The following PTPN22 variants were observed in gnomAD, a reference collection of about 807,000 sequenced individuals.
The protein encoded by PTPN22 is protein tyrosine phosphatase non-receptor type 22.
In PTPN22, 85 loss-of-function variants were observed where a neutral mutation model predicts 103.3. The observed-to-expected ratio is 0.82, with a 90% confidence interval of 0.69 to 0.99. The LOEUF is 0.99. Among genes scored for constraint, PTPN22 ranks in the 50% least tolerant of loss-of-function variants. PTPN22 has a pLI of 0.00. For missense variants in PTPN22, 865 were observed against 936.9 expected (o/e 0.92, Z 1.00); for synonymous variants, 323 against 310.2 (o/e 1.04, Z -0.43).
At chr1:113,820,109 T>C (rs1385076643) in intron 19 of PTPN22, among the ~76,000 whole-genome samples, 1 of 152,164 alleles carries the variant, frequency 6.6e-6, no homozygotes, top group East Asian at 1.9e-4. Context: ...TGGAATCTCT[T>C]TTTTTATTCC....
chr1:113,870,257 CAGAG>C lies in PTPN22; in HGVS notation c.87+1276_87+1279del, dbSNP rs1248670716. On this transcript the variant is annotated intron_variant, in intron 1 of 20. Transcript: ENST00000359785. The stretch of plus-strand genomic sequence containing the variant: ...TATCCCCATTTTATAAGTTAGAAAA[CAGAG>C]AGATTTAAGAACATGTCAAATACTT... Among the ~76,000 whole-genome samples the C allele has an allele frequency of 3.9e-5, 6 of 152,144 alleles. No individual in the cohort carries two copies. The East Asian group carries it at 9.7e-4, about 24-fold the overall frequency.
intron 11 of PTPN22, among the ~76,000 whole-genome samples, chr1:113,839,877 A>G (rs879643322): frequency 4.7e-5 from 7 of 150,366 alleles, no homozygotes; most frequent in Admixed American, 4.6e-4. Flanking sequence ...TAATTTTTTT[A>G]ATTAATTTTG....
rs17031952 is a variant in PTPN22 at position 113,866,202 on chromosome 1, T to C, written c.87+5335A>G. Among the ~76,000 whole-genome samples the C allele has an allele frequency of 1.5e-3, 233 of 152,260 alleles. 1 individual carries two copies. In the East Asian group the frequency reaches 0.033, roughly 22 times the overall value. The stretch of plus-strand genomic sequence containing the variant: ...TAGAAGCATTCTCTATTATGATTAT[T>C]ATTCTTTCATTATAAAACCAGATGG... On this transcript the variant is annotated intron_variant, in intron 1 of 20. Transcript: ENST00000359785.
At chr1:113,814,635 T>C (rs896167707) in exon 21 of PTPN22, 1 of 295,218 alleles carries the variant, frequency 3.4e-6, no homozygotes, top group East Asian at 6.2e-5. Context: ...GAAAAATAAA[T>C]CCATTCTAAA....
At chr1:113,856,977 A>G (rs1166487076) in intron 5 of PTPN22, among the ~76,000 whole-genome samples, 1 of 152,262 alleles carries the variant, frequency 6.6e-6, no homozygotes, top group African/African-American at 2.4e-5. Context: ...GAATGGCAAC[A>G]GTAGAACAGT....
intron 10 of PTPN22, 84 bp from the exon 11 acceptor site, chr1:113,848,710 C>G: frequency 1.6e-6 from 2 of 1,260,578 alleles, no homozygotes; most frequent in Admixed American, 4.1e-5. Context: ...GGAATATGAA[C>G]ACCAATCAAA....
Position 113,841,239 on chromosome 1 carries a change from AAG to A in PTPN22, c.916-2621_916-2620del, listed in dbSNP as rs559155106. On this transcript the variant is annotated intron_variant, in intron 11 of 20. Transcript: ENST00000359785. ...AACTCCATCTCAAAGGAAAAAAAAAAAGAGAGAGAATGAAGTTGGACCCTTAT... is the reference window on the plus strand; with the variant it reads ...AACTCCATCTCAAAGGAAAAAAAAAAAGAGAGAATGAAGTTGGACCCTTAT... Among the ~76,000 whole-genome samples, 56 of 152,220 alleles carry A rather than the reference AAG, an allele frequency of 3.7e-4. 3 individuals are homozygous for A. In the South Asian group the frequency reaches 0.011, roughly 30 times the overall value.
exon 15 of PTPN22, chr1:113,834,418 G>C: frequency 6.2e-7 from 1 of 1,613,116 alleles, no homozygotes; most frequent in Non-Finnish European, 8.5e-7. Context: ...TAAGGATTTG[G>C]GAACATTTGG....
At chr1:113,847,012 T>TTTTCCTTTTTTCCCTTCA (rs1664126407) in intron 11 of PTPN22, among the ~76,000 whole-genome samples, 1 of 102,532 alleles carries the variant, frequency 9.8e-6, no homozygotes, top group African/African-American at 4.3e-5. Flanking sequence ...TTTTTTTTTT[T>TTTTCCTTTTTTCCCTTCA]GGTCCCTTAG....
At chr1:113,834,330 A>T in exon 15 of PTPN22, 1 of 1,614,068 alleles carries the variant, frequency 6.2e-7, no homozygotes, top group Non-Finnish European at 8.5e-7. Flanking sequence ...TAAGTATCAC[A>T]GAGTCATCAA....
intron 1 of PTPN22, among the ~76,000 whole-genome samples, chr1:113,866,112 G>C (rs1003644277): frequency 6.6e-6 from 1 of 152,178 alleles, no homozygotes; most frequent in Non-Finnish European, 1.5e-5. Flanking sequence ...AATGAAAACA[G>C]TACCTTCCTC....
chr1:113,864,925 A>C (rs1217415), intron 1 of PTPN22, among the ~76,000 whole-genome samples: 89,621 of 150,210 alleles, frequency 0.6, 27,992 homozygotes, highest in African/African-American at 0.76. Context: ...AAAAAAAAAA[A>C]AAAATTACCA....
intron 16 of PTPN22, among the ~76,000 whole-genome samples, chr1:113,831,456 C>G (rs1003143721): frequency 6.6e-6 from 1 of 152,104 alleles, no homozygotes; most frequent in Non-Finnish European, 1.5e-5. Flanking sequence ...ATGGATCTGT[C>G]TATTCTGGAT....
At chr1:113,853,016 G>A (rs1664699009) in intron 9 of PTPN22, among the ~76,000 whole-genome samples, 1 of 152,200 alleles carries the variant, frequency 6.6e-6, no homozygotes, top group South Asian at 2.1e-4. Context: ...TCGGCTCACT[G>A]CAGCCTCTGT....
At chr1:113,862,107 C>T (rs1238725261) in intron 1 of PTPN22, among the ~76,000 whole-genome samples, 2 of 151,652 alleles carry the variant, frequency 1.3e-5, no homozygotes, top group South Asian at 2.1e-4. Context: ...AGTGAAACCC[C>T]GTCTCTACCA....
chr1:113,814,958 G>C, exon 21 of PTPN22: 1 of 1,605,912 alleles, frequency 6.2e-7, no homozygotes, highest in Non-Finnish European at 8.5e-7. Flanking sequence ...TTTGAAAAAC[G>C]GTTTGCAAAA....
intron 20 of PTPN22, among the ~76,000 whole-genome samples, chr1:113,815,997 A>G (rs75355751): frequency 6.6e-6 from 1 of 152,156 alleles, no homozygotes; most frequent in African/African-American, 2.4e-5. Context: ...GTGTATTTTT[A>G]AGTTATCTTA....
In PTPN22 at chr1:113,859,341, A is replaced by G. The variant is rs55960253; in HGVS notation, c.196+11T>C. 6.3e-7 allele frequency: 1 copy of G among 1,599,632 alleles called. No individual in the cohort carries two copies. Among genetic ancestry groups the G allele is most frequent in the Non-Finnish European group, 8.6e-7 (1 of 1,167,630 alleles). On this transcript the variant is annotated intron_variant, in intron 2 of 20. Transcript: ENST00000359785. ...AGAAAGTATGAGTTTATAGAGAGAA[A>G]TGGAACTTACAGGGCAAAATATCCT...
chr1:113,830,077 A>C, intron 16 of PTPN22, 48 bp from the exon 17 acceptor site: 1 of 1,335,346 alleles, frequency 7.5e-7, no homozygotes, highest in Admixed American at 2.1e-5. Flanking sequence ...ATCAATTAAA[A>C]GTCATAAGTC....
Sources: allele counts gnomAD v4.1 joint callset (sites outside exome capture counted in the v4.1 genomes callset), GRCh38; gene constraint gnomAD v4.1.1; transcripts MANE v1.5; gene names NCBI Gene and HGNC (gene_info 2026-07-23, HGNC 2026-07-21).